Variants in LRFN5 observed in about 807,000 individuals in gnomAD.
LRFN5 encodes leucine-rich repeat and fibronectin type-III domain-containing protein 5.
LRFN5 carries 24 observed loss-of-function variants against 45.6 expected under a neutral mutation model. The ratio of observed to expected loss-of-function variants is 0.53; its 90% CI spans 0.38 to 0.74. The LOEUF (loss-of-function observed/expected upper bound fraction) is 0.74. Ranked by LOEUF, LRFN5 falls within the 30% of genes least tolerant of loss-of-function variation. The pLI is 0.00. For missense variants in LRFN5, 776 were observed against 861.5 expected, an observed-to-expected ratio of 0.90 and a Z score of 1.24; for synonymous variants, 340 against 313.8, an observed-to-expected ratio of 1.08 and a Z score of -0.88.
Position 41,898,902 on chromosome 14 carries a change from A to T in LRFN5, c.2099-15A>T. 6.2e-7 allele frequency: 1 copy of T among 1,607,744 alleles called. No homozygotes were observed. Among genetic ancestry groups the T allele is most frequent in the Admixed American group, 1.7e-5 (1 of 59,032 alleles). Reference sequence around the variant, plus strand: ...AAAAATGAATTGTTTATGACACTGAACATTTTATTCCCAGATGCTTTGCTG... The same window carrying T: ...AAAAATGAATTGTTTATGACACTGATCATTTTATTCCCAGATGCTTTGCTG... On this transcript the variant is annotated splice_polypyrimidine_tract_variant and intron_variant, in intron 4 of 5. Coordinates refer to ENST00000298119, the MANE Select transcript of LRFN5 (RefSeq NM_152447.5).
intron 2 of LRFN5, among the ~76,000 whole-genome samples, chr14:41,809,453 AC>A (rs1473089192): frequency 9.9e-5 from 15 of 152,042 alleles, no homozygotes; most frequent in Middle Eastern, 3.4e-3. Flanking sequence ...AGGTATAGCA[AC>A]CCAATCATTA....
intron 1 of LRFN5, among the ~76,000 whole-genome samples, chr14:41,622,157 G>A (rs1452994615): frequency 1.4e-5 from 2 of 146,026 alleles, no homozygotes; most frequent in African/African-American, 5.1e-5. Flanking sequence ...TTCAGAAATA[G>A]TTTATCTGAG....
chr14:41,841,368 G>A (rs534804017), intron 2 of LRFN5, among the ~76,000 whole-genome samples: 8 of 151,858 alleles, frequency 5.3e-5, no homozygotes, highest in Non-Finnish European at 1.2e-4. Flanking sequence ...GGGCTGTAGA[G>A]ATAAATTGCC....
At chr14:41,789,550 T>A (rs1324543563) in intron 2 of LRFN5, among the ~76,000 whole-genome samples, 1 of 151,880 alleles carries the variant, frequency 6.6e-6, no homozygotes, top group East Asian at 1.9e-4. Context: ...TTTATTGCAA[T>A]CAAGATTCTG....
chr14:41,763,217 C>T (rs1885741584), intron 1 of LRFN5, among the ~76,000 whole-genome samples: 1 of 152,076 alleles, frequency 6.6e-6, no homozygotes, highest in African/African-American at 2.4e-5. Context: ...CTTTTTGTAA[C>T]TGTTTTCATT....
intron 2 of LRFN5, among the ~76,000 whole-genome samples, chr14:41,847,956 T>G (rs1889127141): frequency 6.6e-6 from 1 of 152,142 alleles, no homozygotes; most frequent in African/African-American, 2.4e-5. Context: ...TATATAGATA[T>G]TGATCTACAT....
At chr14:41,726,612 A>G (rs1035983080) in intron 1 of LRFN5, among the ~76,000 whole-genome samples, 1 of 149,860 alleles carries the variant, frequency 6.7e-6, no homozygotes, top group African/African-American at 2.4e-5. Flanking sequence ...TGAACAAAAT[A>G]ATGGTTCATA....
At chr14:41,882,127 T>C (rs1566501993) in intron 2 of LRFN5, among the ~76,000 whole-genome samples, 1 of 152,204 alleles carries the variant, frequency 6.6e-6, no homozygotes, top group Admixed American at 6.5e-5. Context: ...GATGAATCTT[T>C]TGATTTCCAA....
At chr14:41,777,560 CAT>C (rs961565782) in intron 2 of LRFN5, among the ~76,000 whole-genome samples, 46 of 151,842 alleles carry the variant, frequency 3.0e-4, no homozygotes, top group Middle Eastern at 6.8e-3. Context: ...ATTCCGATTA[CAT>C]GTTTGTAGTT....
intron 2 of LRFN5, among the ~76,000 whole-genome samples, chr14:41,866,889 T>C (rs1454400168): frequency 6.6e-6 from 1 of 152,148 alleles, no homozygotes; most frequent in Non-Finnish European, 1.5e-5. Context: ...GATTAGTGAA[T>C]CCAGAATATG....
chr14:41,674,456 G>A (rs1881475683), intron 1 of LRFN5, among the ~76,000 whole-genome samples: 1 of 140,258 alleles, frequency 7.1e-6, no homozygotes, highest in Non-Finnish European at 1.6e-5. Flanking sequence ...GGGCGGCCGG[G>A]CAGAGGCGCC....
In LRFN5 at chr14:41,717,677, A is replaced by G. The variant is rs75543685; in HGVS notation, c.-196-49177A>G. ...TGGTCAGACCCATATTAAGGGTTAC[A>G]CTAGTTTTTATCATTGAGTGTCTAC... On this transcript the variant is annotated intron_variant, in intron 1 of 5. Coordinates refer to ENST00000298119, the MANE Select transcript of LRFN5 (RefSeq NM_152447.5). 9.9e-3 allele frequency among the ~76,000 whole-genome samples: 1,508 copies of G among 152,292 alleles called. 8 individuals carry two copies. The highest frequency in any genetic ancestry group is 0.015 in the East Asian group (79 of 5,168).
chr14:41,775,062 G>A (rs943367852), intron 2 of LRFN5, among the ~76,000 whole-genome samples: 1 of 150,428 alleles, frequency 6.6e-6, no homozygotes, highest in African/African-American at 2.4e-5. Flanking sequence ...TGACAATTGA[G>A]GTGAAAGATT....
chr14:41,795,465 G>T (rs578044372), intron 2 of LRFN5, among the ~76,000 whole-genome samples: 2 of 152,200 alleles, frequency 1.3e-5, no homozygotes, highest in South Asian at 2.1e-4. Flanking sequence ...CTGCTATAAA[G>T]ACACATGCAC....
chr14:41,763,989 AT>A (rs1885772697), intron 1 of LRFN5, among the ~76,000 whole-genome samples: 1 of 152,148 alleles, frequency 6.6e-6, no homozygotes, highest in Non-Finnish European at 1.5e-5. Context: ...ATTGACCATA[AT>A]TTTTTATAGG....
intron 2 of LRFN5, among the ~76,000 whole-genome samples, chr14:41,805,213 A>G (rs1393192849): frequency 1.3e-5 from 2 of 151,898 alleles, no homozygotes; most frequent in African/African-American, 4.8e-5. Context: ...GAACATTTTT[A>G]TCAGAAAAAA....
chr14:41,744,847 A>AAAGCAGTTT, intron 1 of LRFN5, among the ~76,000 whole-genome samples: 1 of 152,322 alleles, frequency 6.6e-6, no homozygotes, highest in South Asian at 2.1e-4. Flanking sequence ...GAAAGAAGAC[A>AAAGCAGTTT]AAGCAGTTTA....
chr14:41,828,050 A>G (rs117412298), intron 2 of LRFN5, among the ~76,000 whole-genome samples: 2,400 of 152,082 alleles, frequency 0.016, 29 homozygotes, highest in Non-Finnish European at 0.023. Context: ...CACAGTAAAA[A>G]TAAGTATGTA....
chr14:41,687,903 C>G (rs190105156), intron 1 of LRFN5, among the ~76,000 whole-genome samples: 1 of 152,182 alleles, frequency 6.6e-6, no homozygotes, highest in Admixed American at 6.5e-5. Context: ...TGTAAAGAAC[C>G]TGCACTATCT....
Sources: allele counts gnomAD v4.1 joint callset (sites outside exome capture counted in the v4.1 genomes callset), GRCh38; gene constraint gnomAD v4.1.1; transcripts MANE v1.5; gene names NCBI Gene and HGNC (gene_info 2026-07-23, HGNC 2026-07-21).